The following ZNF597 variants were observed in gnomAD, a reference collection of about 807,000 sequenced individuals.
ZNF597 encodes zinc finger protein 597.
A neutral mutation model predicts 7.3 loss-of-function variants in ZNF597; 5 were observed. The ratio of observed to expected loss-of-function variants is 0.68; its 90% CI spans 0.36 to 1.44. The LOEUF (loss-of-function observed/expected upper bound fraction) is 1.44, where lower values mean the gene tolerates loss of function less well. ZNF597 is among the 40% of genes most tolerant of loss of function. The probability of loss-of-function intolerance (pLI) is 0.04; values close to 1 mark genes in which losing one functional copy is unlikely to be tolerated. For synonymous variants in ZNF597, 209 were observed against 185.4 expected, an observed-to-expected ratio of 1.13 and a Z score of -1.04; for missense variants, 585 against 517.9, an observed-to-expected ratio of 1.13 and a Z score of -1.26.
chr16:3,437,159 T>C lies in ZNF597; in HGVS notation c.540A>G (p.Gly180=), dbSNP rs2034313387. The C allele has an allele frequency of 1.2e-6, 2 of 1,614,184 alleles. No homozygotes were observed. The highest frequency in any genetic ancestry group is 2.2e-5 in the South Asian group (2 of 91,088). The change falls in exon 4 of 4, where the codon GGA becomes GGG. Residue 180 remains glycine, a synonymous_variant. Coordinates refer to ENST00000301744, the MANE Select transcript of ZNF597 (RefSeq NM_152457.3). ...YLVLHQKIHS[G]EKKHKCGDCG... ...AGTCACCACATTTATGTTTTTTCTC[T>C]CCTGAATGAATTTTCTGATGCAAAA...
rs191635878 is a variant in ZNF597, at chr16:3,436,490, C to T, written c.1209G>A (p.Gly403=). 3.7e-6 allele frequency: 6 copies of T among 1,614,196 alleles called. No homozygotes were observed. The East Asian group carries it at 1.3e-4, about 36-fold the overall frequency. The part of the protein sequence containing the change: ...LAEPFKCTVC[G]KTFKSNLHLI... ...GATGCAAATTCGACTTGAAAGTTTT[C>T]CCACACACGGTACATTTAAAAGGTT... The change falls in exon 4 of 4, where the codon GGG becomes GGA. Residue 403 remains glycine (G), a synonymous_variant. Transcript: ENST00000301744.
In ZNF597 at chr16:3,443,211, G is replaced by C. The variant is rs1031139569; in HGVS notation, c.-53-5C>G. 1.9e-6 allele frequency: 3 copies of C among 1,563,948 alleles called. No individual in the cohort carries two copies. Among genetic ancestry groups the C allele is most frequent in the East Asian group, 2.3e-5 (1 of 44,384 alleles). The stretch of plus-strand genomic sequence containing the variant: ...CACAGGGACTTCGTGACAAAGCTGC[G>C]GGGGGAGAGAACAGTTCTTAAAGGG... On this transcript the variant is annotated splice_polypyrimidine_tract_variant and splice_region_variant and intron_variant, in intron 1 of 3. Coordinates refer to ENST00000301744, the MANE Select transcript of ZNF597 (RefSeq NM_152457.3).
chr16:3,436,801 T>TA lies in ZNF597; in HGVS notation c.897dup (p.Lys300Ter). 6.2e-7 allele frequency: 1 copy of TA among 1,613,684 alleles called. No homozygotes were observed. The highest frequency in any genetic ancestry group is 8.5e-7 in the Non-Finnish European group (1 of 1,180,032). On this transcript the variant is annotated frameshift_variant, in exon 4 of 4. Transcript: ENST00000301744. LOFTEE classifies it low-confidence loss of function (END_TRUNC). ...GACTGCCTGAAGCTCTTCATGCACT[T>TA]AGTGTGCTGGTACTGGGGGCCTGAT... is the stretch of plus-strand genomic sequence containing the variant.
Position 3,443,433 on chromosome 16 carries a change from C to G in ZNF597, c.-127G>C. The G allele has an allele frequency of 3.9e-6, 2 of 519,202 alleles. No individual in the cohort carries two copies. The highest frequency in any genetic ancestry group is 6.7e-6 in the Non-Finnish European group (2 of 297,040). The allele number at this position is 519,202 out of a possible 1,614,324, so 32.2% of individuals were successfully genotyped here. ...AAAGCGACGCCCGACCGAGACGCGA[C>G]GAAGAACGCCACGGCCACTGCAAAA... is the stretch of plus-strand genomic sequence containing the variant. On this transcript the variant is annotated 5_prime_UTR_variant, in exon 1 of 4. Transcript: ENST00000301744.
intron 2 of ZNF597, among the ~76,000 whole-genome samples, chr16:3,441,788 A>C (rs898000237): frequency 3.3e-5 from 5 of 150,878 alleles, no homozygotes; most frequent in African/African-American, 1.2e-4. Flanking sequence ...AAACAACAAC[A>C]AAAAAAACTC....
intron 3 of ZNF597, among the ~76,000 whole-genome samples, chr16:3,437,877 T>A (rs953652432): frequency 6.6e-6 from 1 of 152,168 alleles, no homozygotes; most frequent in African/African-American, 2.4e-5. Flanking sequence ...TTTGAAGCTA[T>A]CTCAAGTGAC....
intron 2 of ZNF597, among the ~76,000 whole-genome samples, chr16:3,442,737 T>A (rs895086907): frequency 8.6e-5 from 13 of 150,738 alleles, no homozygotes; most frequent in Non-Finnish European, 1.8e-4. Flanking sequence ...GCCTCTCAGA[T>A]ACTCGAGAGG....
Position 3,436,958 on chromosome 16 carries a change from T to C in ZNF597, c.741A>G (p.Arg247=). The C allele has an allele frequency of 6.2e-7, 1 of 1,614,166 alleles. No homozygotes were observed. Among genetic ancestry groups the C allele is most frequent in the Non-Finnish European group, 8.5e-7 (1 of 1,180,028 alleles). The part of the protein sequence containing the change: ...EKPYTCSICG[R]GFMWLPGLAQ... ...CCAATCCTGGGAGCCACATAAAACC[T>C]CTACCACATATGCTACATGTATAGG... The change falls in exon 4 of 4, where the codon AGA becomes AGG. Residue 247 remains arginine, a synonymous_variant. Coordinates refer to ENST00000301744, the MANE Select transcript of ZNF597 (RefSeq NM_152457.3).
At chr16:3,440,776 G>A in intron 3 of ZNF597, 31 bp downstream of exon 3, 1 of 1,611,738 alleles carries the variant, frequency 6.2e-7, no homozygotes, top group Non-Finnish European at 8.5e-7. Flanking sequence ...ATTGACAAAA[G>A]TTCCAGATGC....
chr16:3,437,220 T>G lies in ZNF597; in HGVS notation c.479A>C (p.Glu160Ala), dbSNP rs762591077. 1.2e-6 allele frequency: 2 copies of G among 1,614,244 alleles called. No individual in the cohort carries two copies. The highest frequency in any genetic ancestry group is 2.2e-5 in the South Asian group (2 of 91,084). ...ATGATCGCTGAAGTTTTGGTCACACTCAGGACATTTGTACACATTTTTGGC... is the reference window on the plus strand; with the variant it reads ...ATGATCGCTGAAGTTTTGGTCACACGCAGGACATTTGTACACATTTTTGGC... ...EGAKNVYKCP[E>A]CDQNFSDHSY... The change falls in exon 4 of 4, where the codon GAG becomes GCG. Residue 160 changes from glutamate (E) to alanine (A), a missense_variant. By Grantham distance (107) the Glu-to-Ala change is moderately radical (BLOSUM62 -1). Transcript: ENST00000301744.
chr16:3,436,449 C>A lies in ZNF597; in HGVS notation c.1250G>T (p.Arg417Leu). The A allele has an allele frequency of 6.2e-7, 1 of 1,612,680 alleles. No individual in the cohort carries two copies. The highest frequency in any genetic ancestry group is 8.5e-7 in the Non-Finnish European group (1 of 1,179,208). ...KSNLHLITHKRTHIKNTT is the reference protein window; with the variant it reads ...KSNLHLITHKLTHIKNTT ...TTACGTGGTGTTTTTTATGTGAGTT[C>A]GCTTATGAGTAATGAGATGCAAATT... Residue 417 changes from arginine (R) to leucine (L), a missense_variant, in exon 4 of 4, where the codon CGA becomes CTA. By Grantham distance (102) the Arg-to-Leu change is moderately radical. Transcript: ENST00000301744.
Position 3,436,634 on chromosome 16 carries a change from C to T in ZNF597, c.1065G>A (p.Glu355=). The change falls in exon 4 of 4, where the codon GAG becomes GAA. Residue 355 remains glutamate (E), a synonymous_variant. Transcript: ENST00000301744. ...DCDMTFPCFS[E]LISHQNIHTE... ...TATGAATGTTCTGATGGGAAATAAG[C>T]TCAGAGAAACAAGGAAAGGTCATGT... 6.2e-7 allele frequency: 1 copy of T among 1,607,126 alleles called. No individual in the cohort carries two copies. Among genetic ancestry groups the T allele is most frequent in the Admixed American group, 1.7e-5 (1 of 58,386 alleles).
At chr16:3,438,299 C>T (rs1335185870) in intron 3 of ZNF597, among the ~76,000 whole-genome samples, 3 of 151,720 alleles carry the variant, frequency 2.0e-5, no homozygotes, top group Admixed American at 6.6e-5. Flanking sequence ...GTGGCTCACA[C>T]CTGTGATCCC....
chr16:3,441,961 C>G (rs937933068), intron 2 of ZNF597, among the ~76,000 whole-genome samples: 4 of 144,850 alleles, frequency 2.8e-5, no homozygotes, highest in African/African-American at 1.0e-4. Flanking sequence ...GCCTAGGCGT[C>G]GCAGCGAGAC....
rs1036147037 is a variant in ZNF597 at position 3,435,730 on chromosome 16, C to A, written c.*694G>T. 2.6e-5 allele frequency: 4 copies of A among 152,150 alleles called. No individual in the cohort carries two copies. Among genetic ancestry groups the A allele is most frequent in the African/African-American group, 7.2e-5 (3 of 41,426 alleles). The allele number at this position is 152,150 out of a possible 1,614,324, so 9.4% of individuals were successfully genotyped here. On this transcript the variant is annotated 3_prime_UTR_variant, in exon 4 of 4. Coordinates refer to ENST00000301744, the MANE Select transcript of ZNF597 (RefSeq NM_152457.3). ...AAAAGAGCAAGTACTTCTCCCCCTC[C>A]CCAAGTCAAGTCCAGCCTCCAGAAA...
Position 3,443,138 on chromosome 16 carries a change from G to A in ZNF597, c.16C>T (p.Pro6Ser), listed in dbSNP as rs1351380949. 4 of 1,613,784 alleles carry A rather than the reference G, an allele frequency of 2.5e-6. No homozygotes were observed. Among genetic ancestry groups the A allele is most frequent in the Non-Finnish European group, 3.4e-6 (4 of 1,179,858 alleles). The change falls in exon 2 of 4, where the codon CCG (proline) becomes TCG (serine). Residue 6 changes from proline (P) to serine (S), a missense_variant. Pro to Ser is a moderately conservative substitution (Grantham distance 74). Transcript: ENST00000301744. The part of the protein sequence containing the change: MASMP[P>S]TPEAQGPILF... ...CGACTCACCTGGGCCTCGGGCGTCG[G>A]GGGCATGGACGCCATTTGGCGGGTG...
At chr16:3,438,586 A>T (rs1011304243) in intron 3 of ZNF597, among the ~76,000 whole-genome samples, 9 of 151,926 alleles carry the variant, frequency 5.9e-5, no homozygotes, top group Admixed American at 1.3e-4. Flanking sequence ...AATAATAATT[A>T]AAAAAGAAAA....
At chr16:3,441,020 T>C (rs957621109) in intron 2 of ZNF597, 87 bp from the exon 3 acceptor site, 217 of 1,528,816 alleles carry the variant, frequency 1.4e-4, no homozygotes, top group Non-Finnish European at 1.8e-4. Flanking sequence ...GCTAGAAACA[T>C]CAGATGCACG....
chr16:3,437,000 G>C lies in ZNF597; in HGVS notation c.699C>G (p.Ser233Arg). 2 of 1,614,142 alleles carry C rather than the reference G, an allele frequency of 1.2e-6. No homozygotes were observed. Among genetic ancestry groups the C allele is most frequent in the African/African-American group, 1.3e-5 (1 of 75,014 alleles). ...ATGTATAGGGCTTCTCCTTTACGTGGCTATTCATGTGTCGGGATAGATGAG... is the reference window on the plus strand; with the variant it reads ...ATGTATAGGGCTTCTCCTTTACGTGCCTATTCATGTGTCGGGATAGATGAG... ...QHSHLSRHMNSHVKEKPYTCS... is the reference protein window; with the variant it reads ...QHSHLSRHMNRHVKEKPYTCS... The change falls in exon 4 of 4, where the codon AGC (serine) becomes AGG (arginine). Residue 233 changes from serine (S) to arginine (R), a missense_variant. Ser to Arg is a moderately radical substitution (Grantham distance 110, BLOSUM62 -1). Transcript: ENST00000301744.
Sources: gnomAD v4.1 joint callset for allele counts (sites outside exome capture counted in the v4.1 genomes callset) on GRCh38, gnomAD v4.1.1 for gene constraint, MANE v1.5 for transcripts, NCBI Gene and HGNC (gene_info 2026-07-23, HGNC 2026-07-21) for gene names.